SIK3: variants seen among roughly 807,000 people sequenced by gnomAD.
SIK3 encodes the protein SIK family kinase 3.
A neutral mutation model predicts 144.2 loss-of-function variants in SIK3; 28 were observed. The observed-to-expected ratio is 0.19, with a 90% confidence interval of 0.14 to 0.27. The LOEUF (loss-of-function observed/expected upper bound fraction) is 0.27. SIK3 is among the 10% of genes least tolerant of loss of function. The probability of loss-of-function intolerance (pLI) is 1.00; values close to 1 mark genes in which losing one functional copy is unlikely to be tolerated. For synonymous variants in SIK3, 686 were observed against 676.3 expected (o/e 1.01, Z -0.22); for missense variants, 1,319 against 1,776.0 (o/e 0.74, Z 4.62).
chr11:116,891,212 G>A (rs1945085628), intron 6 of SIK3, among the ~76,000 whole-genome samples: 2 of 152,198 alleles, frequency 1.3e-5, no homozygotes, highest in Admixed American at 1.3e-4. Context: ...AGCTACTTGG[G>A]AGGCTGAGGT....
At chr11:117,010,619 T>G (rs1951212711) in intron 1 of SIK3, among the ~76,000 whole-genome samples, 1 of 152,162 alleles carries the variant, frequency 6.6e-6, no homozygotes, top group South Asian at 2.1e-4. Flanking sequence ...ACCATGGCCT[T>G]GGTCCTCTTT....
At chr11:116,959,156 C>A (rs1949250299) in intron 1 of SIK3, among the ~76,000 whole-genome samples, 1 of 152,114 alleles carries the variant, frequency 6.6e-6, no homozygotes, top group East Asian at 1.9e-4. Flanking sequence ...ATGGTGAAAC[C>A]CCATCTCTAC....
chr11:116,898,159 G>T, intron 4 of SIK3, among the ~76,000 whole-genome samples: 1 of 148,066 alleles, frequency 6.8e-6, no homozygotes, highest in Non-Finnish European at 1.5e-5. Context: ...AGAGTGTGAT[G>T]TTCCCCTTCC....
intron 4 of SIK3, among the ~76,000 whole-genome samples, chr11:116,919,758 A>G (rs1169204754): frequency 6.6e-6 from 1 of 152,236 alleles, no homozygotes; most frequent in Non-Finnish European, 1.5e-5. Flanking sequence ...TGATAGCTTA[A>G]TATAATCCAT....
chr11:116,959,756 C>A (rs1021494441), intron 1 of SIK3, among the ~76,000 whole-genome samples: 4 of 152,098 alleles, frequency 2.6e-5, no homozygotes, highest in Non-Finnish European at 5.9e-5. Context: ...GGGTAGATAA[C>A]AATAGAGTGA....
At chr11:116,877,945 T>G (rs1437011674) in intron 6 of SIK3, among the ~76,000 whole-genome samples, 1 of 152,220 alleles carries the variant, frequency 6.6e-6, no homozygotes, top group East Asian at 1.9e-4. Context: ...ACTATCATTG[T>G]TCCCATTTTA....
chr11:116,933,349 C>T (rs898741878), intron 3 of SIK3, among the ~76,000 whole-genome samples: 17 of 152,074 alleles, frequency 1.1e-4, no homozygotes, highest in African/African-American at 4.1e-4. Context: ...CCATATTGGC[C>T]AGGCTGGTCT....
chr11:116,954,246 G>A, intron 2 of SIK3, 139 bp from the exon 3 acceptor site: 2 of 646,724 alleles, frequency 3.1e-6, no homozygotes, highest in East Asian at 2.8e-5. Context: ...CATTTTTGGG[G>A]AAACAAATAT....
In SIK3 at chr11:117,028,636, GAAA is replaced by G. The variant is rs138648897; in HGVS notation, c.273+69504_273+69506del. ...GGATAGAAGAAAGAAGCATGTCAAG[GAAA>G]AAAAAAACATGAGCAAAAGCATAAA... On this transcript the variant is annotated intron_variant, in intron 1 of 24. Coordinates refer to ENST00000445177, the MANE Select transcript of SIK3 (RefSeq NM_001366686.3). Among the ~76,000 whole-genome samples, 8 of 146,156 alleles carry G rather than the reference GAAA, an allele frequency of 5.5e-5. No homozygotes were observed. The East Asian group carries it at 1.6e-3, about 29-fold the overall frequency.
At chr11:116,931,960 G>A (rs553713254) in intron 3 of SIK3, among the ~76,000 whole-genome samples, 4 of 152,218 alleles carry the variant, frequency 2.6e-5, no homozygotes, top group Non-Finnish European at 1.5e-5. Context: ...ACCTCTTACC[G>A]GGCTTCTTGA....
At chr11:116,851,972 G>A (rs1278344256) in intron 21 of SIK3, among the ~76,000 whole-genome samples, 1 of 152,166 alleles carries the variant, frequency 6.6e-6, no homozygotes, top group East Asian at 1.9e-4. Flanking sequence ...TCAATTCCTC[G>A]GGGTGCTTTT....
At chr11:117,002,192 G>A (rs1421771441) in intron 1 of SIK3, among the ~76,000 whole-genome samples, 1 of 152,208 alleles carries the variant, frequency 6.6e-6, no homozygotes, top group East Asian at 1.9e-4. Context: ...TCTAGACCAA[G>A]CTTGTCCAAC....
intron 1 of SIK3, among the ~76,000 whole-genome samples, chr11:116,974,096 C>T (rs933527653): frequency 1.3e-5 from 2 of 152,216 alleles, no homozygotes; most frequent in African/African-American, 4.8e-5. Context: ...ATAGAGGAAA[C>T]TGACCGTGGG....
chr11:116,864,582 T>C (rs972943264), intron 15 of SIK3: 2 of 152,222 alleles, frequency 1.3e-5, no homozygotes, highest in Admixed American at 6.5e-5. Flanking sequence ...GAACAAGCTA[T>C]TGATAAGGAA....
chr11:116,869,382 C>T (rs1456553431), intron 14 of SIK3: 3 of 152,182 alleles, frequency 2.0e-5, no homozygotes, highest in Non-Finnish European at 4.4e-5. Flanking sequence ...AAAATGGTCT[C>T]ATTTCATTCT....
chr11:116,844,626 T>TA lies in SIK3; in HGVS notation c.*1016dup, dbSNP rs1565345356. On this transcript the variant is annotated 3_prime_UTR_variant, in exon 25 of 25. Coordinates refer to ENST00000445177, the MANE Select transcript of SIK3 (RefSeq NM_001366686.3). ...ATATATATTATATATATAATATATA[T>TA]ATAATATATTATATTATATATTATA... 6 of 34,854 alleles carry TA rather than the reference T, an allele frequency of 1.7e-4. No homozygotes were observed. The highest frequency in any genetic ancestry group is 7.6e-4 in the Admixed American group (3 of 3,964). 2.2% of individuals were successfully genotyped at this position (34,854 alleles called of 1,614,324 possible).
intron 3 of SIK3, among the ~76,000 whole-genome samples, chr11:116,928,142 T>C (rs541369074): frequency 1.3e-5 from 2 of 152,368 alleles, no homozygotes; most frequent in South Asian, 2.1e-4. Flanking sequence ...GATAAAATCA[T>C]AATACTATAA....
chr11:117,013,093 C>T (rs887322475), intron 1 of SIK3, among the ~76,000 whole-genome samples: 1 of 152,032 alleles, frequency 6.6e-6, no homozygotes, highest in Non-Finnish European at 1.5e-5. Context: ...TAGTAGGTAC[C>T]CAACTTTTTA....
intron 4 of SIK3, among the ~76,000 whole-genome samples, chr11:116,912,981 G>A (rs1946424610): frequency 6.6e-6 from 1 of 152,148 alleles, no homozygotes; most frequent in Admixed American, 6.5e-5. Flanking sequence ...CGCTAATAAG[G>A]AATTAAATCT....
Sources: gnomAD v4.1 joint callset for allele counts (sites outside exome capture counted in the v4.1 genomes callset) on GRCh38, gnomAD v4.1.1 for gene constraint, MANE v1.5 for transcripts, NCBI Gene and HGNC (gene_info 2026-07-23, HGNC 2026-07-21) for gene names.